CRYBG1: variants seen among roughly 807,000 people sequenced by gnomAD.
CRYBG1 encodes crystallin beta-gamma domain containing 1, also known as beta/gamma crystallin domain-containing protein 1.
A neutral mutation model predicts 189.2 loss-of-function variants in CRYBG1; 139 were observed. That is an observed-to-expected ratio of 0.73 (90% CI 0.64 to 0.85). The LOEUF (loss-of-function observed/expected upper bound fraction) is 0.85, where lower values mean the gene tolerates loss of function less well. Ranked by LOEUF, CRYBG1 falls within the 40% of genes least tolerant of loss-of-function variation. The probability of loss-of-function intolerance (pLI) is 0.00; values close to 1 mark genes in which losing one functional copy is unlikely to be tolerated. For synonymous variants in CRYBG1, 1,023 were observed against 1,017.1 expected (o/e 1.01, Z -0.11); for missense variants, 2,611 against 2,675.8 (o/e 0.98, Z 0.53).
intron 2 of CRYBG1, among the ~76,000 whole-genome samples, chr6:106,504,938 TG>T (rs1773096810): frequency 6.7e-6 from 1 of 148,396 alleles, no homozygotes; most frequent in Non-Finnish European, 1.5e-5. Flanking sequence ...ATGAATATCC[TG>T]GAAGTTATTA....
intron 1 of CRYBG1, among the ~76,000 whole-genome samples, chr6:106,444,115 G>C (rs774721735): frequency 1.3e-5 from 2 of 152,100 alleles, no homozygotes; most frequent in Non-Finnish European, 2.9e-5. Flanking sequence ...TTATTAATTT[G>C]TTATTCATGA....
At position 106,512,428 on chromosome 6, in the gene CRYBG1, C is replaced by G; in HGVS notation, c.1311C>G (p.Leu437=). ...ACTCCCCCGGCGCGGACGCCGAGCT[C>G]CCTGAGAGCGCTGCCAGGGACGACG... is the stretch of plus-strand genomic sequence containing the variant. ...STDSPGADAE[L]PESAARDDAV... Residue 437 remains leucine, a synonymous_variant, in exon 3 of 22, where the codon CTC becomes CTG. Coordinates refer to ENST00000633556, the MANE Select transcript of CRYBG1 (RefSeq NM_001371242.2). 1 of 1,609,680 alleles carries G rather than the reference C, an allele frequency of 6.2e-7. No individual in the cohort carries two copies. The highest frequency in any genetic ancestry group is 8.5e-7 in the Non-Finnish European group (1 of 1,178,712).
Position 106,519,676 on chromosome 6 carries a change from G to A in CRYBG1, c.2468G>A (p.Ser823Asn). Residue 823 changes from serine (S) to asparagine (N), a missense_variant, in exon 4 of 22, where the codon AGC becomes AAC. Physicochemically the swap from Ser to Asn is conservative, Grantham distance 46. Around this residue, in one of 3 missense-constraint regions of CRYBG1, gnomAD observed 1,622 missense variants for 1,735.0 expected, o/e 0.93. Coordinates refer to ENST00000633556, the MANE Select transcript of CRYBG1 (RefSeq NM_001371242.2). ...LEKEDSEAAD[S>N]KSLVLENVTD... ...AAGGAGGACTCAGAGGCTGCAGACAGCAAAAGCCTTGTACTTGAAAATGTA... is the reference window on the plus strand; with the variant it reads ...AAGGAGGACTCAGAGGCTGCAGACAACAAAAGCCTTGTACTTGAAAATGTA... 6.2e-7 allele frequency: 1 copy of A among 1,614,112 alleles called. No individual in the cohort carries two copies. The highest frequency in any genetic ancestry group is 8.5e-7 in the Non-Finnish European group (1 of 1,179,954).
Position 106,394,014 on chromosome 6 carries a change from G to A in CRYBG1, c.173+32933G>A, listed in dbSNP as rs193176055. 1.7e-3 allele frequency among the ~76,000 whole-genome samples: 266 copies of A among 152,198 alleles called. 1 individual carries two copies. Among genetic ancestry groups the A allele is most frequent in the African/African-American group, 6.2e-3 (259 of 41,530 alleles). ...TCTTGTCCTACCTTTAGACTACTGA[G>A]CAATAGCACTTTTATCAGAAATTGA... On this transcript the variant is annotated intron_variant, in intron 1 of 21. Coordinates refer to ENST00000633556, the MANE Select transcript of CRYBG1 (RefSeq NM_001371242.2).
rs762581577 is a variant in CRYBG1, at chr6:106,520,967, C to G, written c.3759C>G (p.Asp1253Glu). ...GCTTGTTATCTTCTTTACCACAAGACAAAATCTTTTCTCCTTCTGTGACAT... is the reference window on the plus strand; with the variant it reads ...GCTTGTTATCTTCTTTACCACAAGAGAAAATCTTTTCTCCTTCTGTGACAT... ...FSSLLSSLPQ[D>E]KIFSPSVTSV... Residue 1253 changes from aspartate (D) to glutamate (E), a missense_variant, in exon 4 of 22, where the codon GAC becomes GAG. Asp to Glu is a conservative substitution (Grantham distance 45). Transcript: ENST00000633556. The G allele has an allele frequency of 6.2e-7, 1 of 1,614,182 alleles. No individual in the cohort carries two copies. The highest frequency in any genetic ancestry group is 8.5e-7 in the Non-Finnish European group (1 of 1,180,032).
At chr6:106,497,084 G>A (rs1277687765) in intron 2 of CRYBG1, among the ~76,000 whole-genome samples, 1 of 152,098 alleles carries the variant, frequency 6.6e-6, no homozygotes, top group African/African-American at 2.4e-5. Context: ...TTTCAAAACC[G>A]AAAGAGCAGG....
chr6:106,424,854 A>G (rs1771196736), intron 1 of CRYBG1, among the ~76,000 whole-genome samples: 1 of 152,068 alleles, frequency 6.6e-6, no homozygotes, highest in South Asian at 2.1e-4. Context: ...ACTCCTTGTC[A>G]TTGGCATCTT....
intron 1 of CRYBG1, among the ~76,000 whole-genome samples, chr6:106,412,943 T>TAA (rs565658964): frequency 0.033 from 3,915 of 118,762 alleles, 183 homozygotes; most frequent in African/African-American, 0.11. Context: ...ACAAATTCTT[T>TAA]AAAAAAAAAA....
chr6:106,396,165 T>C (rs1469380640), intron 1 of CRYBG1, among the ~76,000 whole-genome samples: 1 of 152,222 alleles, frequency 6.6e-6, no homozygotes, highest in Non-Finnish European at 1.5e-5. Flanking sequence ...TTTGAGTATT[T>C]TATTTCTTAT....
chr6:106,527,585 T>C (rs1352127700), intron 7 of CRYBG1, 115 bp downstream of exon 7: 4 of 1,057,954 alleles, frequency 3.8e-6, no homozygotes, highest in East Asian at 2.5e-5. Flanking sequence ...TGGTGCCTTA[T>C]GGATATATTT....
intron 8 of CRYBG1, 95 bp from the exon 9 acceptor site, chr6:106,539,308 G>A: frequency 6.9e-7 from 1 of 1,454,246 alleles, no homozygotes; most frequent in Non-Finnish European, 9.4e-7. Flanking sequence ...ATCCTCTCCT[G>A]TTCTTTTCCT....
At chr6:106,396,843 A>G (rs1770623486) in intron 1 of CRYBG1, among the ~76,000 whole-genome samples, 1 of 152,148 alleles carries the variant, frequency 6.6e-6, no homozygotes, top group Non-Finnish European at 1.5e-5. Flanking sequence ...CATCACACCC[A>G]GCTAATTTTT....
At chr6:106,547,100 T>G (rs1302182295) in intron 13 of CRYBG1, among the ~76,000 whole-genome samples, 1 of 152,160 alleles carries the variant, frequency 6.6e-6, no homozygotes, top group Non-Finnish European at 1.5e-5. Flanking sequence ...CTAATTGCAT[T>G]TCCTGGCTTA....
intron 2 of CRYBG1, among the ~76,000 whole-genome samples, chr6:106,493,023 C>T (rs1772760707): frequency 6.7e-6 from 1 of 149,406 alleles, no homozygotes; most frequent in Non-Finnish European, 1.5e-5. Flanking sequence ...CTATTTTTAT[C>T]CTTTTACATA....
intron 2 of CRYBG1, among the ~76,000 whole-genome samples, chr6:106,461,862 T>C (rs1329967706): frequency 1.3e-5 from 2 of 152,128 alleles, no homozygotes; most frequent in African/African-American, 2.4e-5. Flanking sequence ...GCAGGAACAT[T>C]GACTCTCGGC....
At chr6:106,484,671 G>A (rs899163909) in intron 2 of CRYBG1, among the ~76,000 whole-genome samples, 4 of 151,990 alleles carry the variant, frequency 2.6e-5, no homozygotes, top group African/African-American at 9.7e-5. Flanking sequence ...GTTCTTTTGT[G>A]GTTCCATATG....
chr6:106,370,000 T>C (rs1582724768), intron 1 of CRYBG1, among the ~76,000 whole-genome samples: 1 of 152,346 alleles, frequency 6.6e-6, no homozygotes, highest in Admixed American at 6.5e-5. Flanking sequence ...CTGTGGTTAA[T>C]GGTGCTTTCT....
chr6:106,550,192 G>C (rs1160351526), intron 13 of CRYBG1, among the ~76,000 whole-genome samples: 2 of 152,088 alleles, frequency 1.3e-5, no homozygotes, highest in Non-Finnish European at 2.9e-5. Context: ...CCTGGCACCT[G>C]GTAAATGAAT....
At chr6:106,515,825 C>G (rs973633100) in intron 3 of CRYBG1, among the ~76,000 whole-genome samples, 1 of 151,490 alleles carries the variant, frequency 6.6e-6, no homozygotes, top group Non-Finnish European at 1.5e-5. Context: ...CAGGATCTCA[C>G]TCTGTTACCC....
Sources: gnomAD v4.1 joint callset for allele counts (sites outside exome capture counted in the v4.1 genomes callset) on GRCh38, gnomAD v4.1.1 for gene constraint, gnomAD v4.1.1 regional missense constraint, MANE v1.5 for transcripts, NCBI Gene and HGNC (gene_info 2026-07-23, HGNC 2026-07-21) for gene names.